Variants in ST6GAL2 observed in about 807,000 individuals in gnomAD.
The protein encoded by ST6GAL2 is beta-galactoside alpha-2,6-sialyltransferase 2.
In ST6GAL2, 24 loss-of-function variants were observed where a neutral mutation model predicts 37.5. The observed-to-expected ratio is 0.64, with a 90% CI of 0.46 to 0.90. The LOEUF (loss-of-function observed/expected upper bound fraction) is 0.90. Among genes scored for constraint, ST6GAL2 ranks in the 40% least tolerant of loss-of-function variants. The probability of loss-of-function intolerance (pLI) is 0.00; values close to 1 mark genes in which losing one functional copy is unlikely to be tolerated. For synonymous variants in ST6GAL2, 306 were observed against 295.1 expected (o/e 1.04, Z -0.38); for missense variants, 715 against 712.7 (o/e 1.00, Z -0.04).
At chr2:106,854,264 T>G (rs1414801925) in intron 1 of ST6GAL2, among the ~76,000 whole-genome samples, 1 of 152,226 alleles carries the variant, frequency 6.6e-6, no homozygotes. Context: ...GAAAGCCCTG[T>G]TGGCACCTGC....
intron 5 of ST6GAL2, among the ~76,000 whole-genome samples, chr2:106,827,535 C>T (rs1435971150): frequency 2.0e-5 from 3 of 152,292 alleles, no homozygotes; most frequent in Admixed American, 6.5e-5. Flanking sequence ...TCTATCCTCG[C>T]CCACCCCCAA....
chr2:106,843,383 T>TGGA lies in ST6GAL2; in HGVS notation c.592_594dup (p.Ser198dup). On this transcript the variant is annotated inframe_insertion, in exon 2 of 6. Transcript: ENST00000409382. ...AGCCGGTACAGGAAGGCCCTGGACATGGAGGAGTACAGCCTGTCGCCGTCG... is the reference window on the plus strand; with the variant it reads ...AGCCGGTACAGGAAGGCCCTGGACATGGAGGAGGAGTACAGCCTGTCGCCGTCG... The TGGA allele has an allele frequency of 6.2e-7, 1 of 1,614,146 alleles. No individual in the cohort carries two copies.
intron 1 of ST6GAL2, among the ~76,000 whole-genome samples, chr2:106,877,234 C>T (rs1443570384): frequency 6.6e-6 from 1 of 152,212 alleles, no homozygotes; most frequent in East Asian, 1.9e-4. Context: ...TGGCTTCTTG[C>T]AGACCTTCGA....
intron 2 of ST6GAL2, among the ~76,000 whole-genome samples, chr2:106,839,215 G>A (rs72949044): frequency 0.031 from 4,736 of 152,098 alleles, 119 homozygotes; most frequent in South Asian, 0.073. Flanking sequence ...CTGTCCCTAC[G>A]AGCCCATGTA....
intron 5 of ST6GAL2, among the ~76,000 whole-genome samples, chr2:106,816,125 T>C (rs1675793050): frequency 6.6e-6 from 1 of 152,218 alleles, no homozygotes; most frequent in Non-Finnish European, 1.5e-5. Context: ...CATTTAGTTA[T>C]ATTACTATTT....
rs201653953 is a variant in ST6GAL2 at position 106,830,772 on chromosome 2, C to T, written c.1144-532G>A. ...TCATCTACAGTAACAGAAATTGTATCGTTGCTGCTTGGGCCTGAGTTGGGG... is the reference window on the plus strand; with the variant it reads ...TCATCTACAGTAACAGAAATTGTATTGTTGCTGCTTGGGCCTGAGTTGGGG... On this transcript the variant is annotated intron_variant, in intron 4 of 5. Coordinates refer to ENST00000409382, the MANE Select transcript of ST6GAL2 (RefSeq NM_001142351.2). 3.3e-5 allele frequency among the ~76,000 whole-genome samples: 5 copies of T among 152,194 alleles called. No individual in the cohort carries two copies. In the East Asian group the frequency reaches 5.8e-4, roughly 18 times the overall value.
At chr2:106,810,879 A>G (rs917556073) in intron 5 of ST6GAL2, among the ~76,000 whole-genome samples, 2 of 152,152 alleles carry the variant, frequency 1.3e-5, no homozygotes, top group Non-Finnish European at 2.9e-5. Context: ...CTTAGCCCAG[A>G]GGTTGAGGCT....
chr2:106,835,252 T>C (rs2104485066), intron 2 of ST6GAL2, among the ~76,000 whole-genome samples: 1 of 152,132 alleles, frequency 6.6e-6, no homozygotes, highest in East Asian at 1.9e-4. Context: ...GAGGGAGAGG[T>C]GAAAAGAAGT....
intron 2 of ST6GAL2, among the ~76,000 whole-genome samples, chr2:106,839,892 A>G (rs1321315653): frequency 1.3e-5 from 2 of 152,214 alleles, no homozygotes; most frequent in Admixed American, 6.5e-5. Flanking sequence ...CAAAACAATT[A>G]GTTTGTTTTT....
intron 1 of ST6GAL2, among the ~76,000 whole-genome samples, chr2:106,852,949 C>T (rs890380150): frequency 6.6e-6 from 1 of 152,178 alleles, no homozygotes; most frequent in Non-Finnish European, 1.5e-5. Context: ...CAACAAATTC[C>T]TTAGTAAACA....
At chr2:106,851,950 A>G (rs533574133) in intron 1 of ST6GAL2, among the ~76,000 whole-genome samples, 2 of 152,256 alleles carry the variant, frequency 1.3e-5, no homozygotes, top group South Asian at 4.2e-4. Flanking sequence ...ATCCAAGAAA[A>G]CATCCAGTCT....
rs769865559 is a variant in ST6GAL2, at chr2:106,834,082, C to G, written c.1008G>C (p.Gly336=). ...TAATGATGCGTATGGTGGTTTTATTCCCAACATCTTTCTCATAACCACGTG... is the reference window on the plus strand; with the variant it reads ...TAATGATGCGTATGGTGGTTTTATTGCCAACATCTTTCTCATAACCACGTG... ...APTRGYEKDV[G]NKTTIRIINS... Residue 336 remains glycine, a synonymous_variant, in exon 3 of 6, where the codon GGG becomes GGC. Coordinates refer to ENST00000409382, the MANE Select transcript of ST6GAL2 (RefSeq NM_001142351.2). 6.2e-6 allele frequency: 10 copies of G among 1,613,600 alleles called. No individual in the cohort carries two copies. Among genetic ancestry groups the G allele is most frequent in the Non-Finnish European group, 7.6e-6 (9 of 1,179,776 alleles).
At chr2:106,870,694 A>G (rs1162623917) in intron 1 of ST6GAL2, among the ~76,000 whole-genome samples, 2 of 151,996 alleles carry the variant, frequency 1.3e-5, no homozygotes, top group Non-Finnish European at 2.9e-5. Flanking sequence ...GTTTGGGCAC[A>G]GGATGAGGGC....
At chr2:106,881,060 A>T (rs1678730795) in intron 1 of ST6GAL2, among the ~76,000 whole-genome samples, 1 of 152,144 alleles carries the variant, frequency 6.6e-6, no homozygotes, top group African/African-American at 2.4e-5. Flanking sequence ...ATCATGACTC[A>T]CTGCAGCCTC....
chr2:106,880,237 A>G (rs1010907686), intron 1 of ST6GAL2, among the ~76,000 whole-genome samples: 8 of 152,176 alleles, frequency 5.3e-5, no homozygotes, highest in African/African-American at 1.9e-4. Flanking sequence ...TATAGTGATT[A>G]AAAGACACTA....
chr2:106,861,346 A>G (rs563328646), intron 1 of ST6GAL2, among the ~76,000 whole-genome samples: 17 of 152,248 alleles, frequency 1.1e-4, no homozygotes, highest in African/African-American at 3.9e-4. Context: ...CTTTCTCCCA[A>G]TTTGTGAATA....
intron 5 of ST6GAL2, among the ~76,000 whole-genome samples, chr2:106,814,611 A>G (rs1435813038): frequency 1.3e-5 from 2 of 152,196 alleles, no homozygotes; most frequent in African/African-American, 4.8e-5. Context: ...CCTGGCTACA[A>G]GGCCTGTCTG....
chr2:106,861,951 C>T (rs921489819), intron 1 of ST6GAL2, among the ~76,000 whole-genome samples: 1 of 152,136 alleles, frequency 6.6e-6, no homozygotes, highest in Non-Finnish European at 1.5e-5. Context: ...GGCATCCAAC[C>T]TCATTCATTC....
Position 106,834,060 on chromosome 2 carries a change from T to C in ST6GAL2, c.1030A>G (p.Ile344Val). The change falls in exon 3 of 6, where the codon ATT becomes GTT. Residue 344 changes from isoleucine to valine, a missense_variant. Coordinates refer to ENST00000409382, the MANE Select transcript of ST6GAL2 (RefSeq NM_001142351.2). ...TCCATCTGTCTTACCTGCGAATTAATGATGCGTATGGTGGTTTTATTCCCA... is the reference window on the plus strand; with the variant it reads ...TCCATCTGTCTTACCTGCGAATTAACGATGCGTATGGTGGTTTTATTCCCA... ...DVGNKTTIRI[I>V]NSQILTNPSH... 1 of 1,612,486 alleles carries C rather than the reference T, an allele frequency of 6.2e-7. No individual in the cohort carries two copies. The highest frequency in any genetic ancestry group is 1.1e-5 in the South Asian group (1 of 90,994).
Sources: gnomAD v4.1 joint callset for allele counts (sites outside exome capture counted in the v4.1 genomes callset) on GRCh38, gnomAD v4.1.1 for gene constraint, MANE v1.5 for transcripts, NCBI Gene and HGNC (gene_info 2026-07-23, HGNC 2026-07-21) for gene names.